Variants in GNL3L observed in about 807,000 individuals in gnomAD.
The protein encoded by GNL3L is G protein nucleolar 3 like, also known as guanine nucleotide-binding protein-like 3-like protein.
GNL3L carries 4 observed loss-of-function variants against 42.9 expected under a neutral mutation model. The observed-to-expected ratio is 0.09, with a 90% confidence interval of 0.05 to 0.21. GNL3L has a LOEUF of 0.21. Among genes scored for constraint, GNL3L ranks in the 10% least tolerant of loss-of-function variants. The pLI, the probability that GNL3L is intolerant of heterozygous loss-of-function variation, is 1.00. For missense variants in GNL3L, 412 were observed against 481.7 expected (o/e 0.86, Z 1.36); for synonymous variants, 159 against 176.3 (o/e 0.90, Z 0.78).
downstream of GNL3L, among the ~76,000 whole-genome samples, chrX:54,570,474 G>T (rs1218971062): frequency 1.8e-5 from 2 of 111,722 alleles, no homozygotes; most frequent in Admixed American, 1.9e-4. Flanking sequence ...CATATAGTTG[G>T]TTCTTGCTTT....
chrX:54,554,822 G>A lies in GNL3L; in HGVS notation c.1446+130G>A, dbSNP rs980488924. On this transcript the variant is annotated intron_variant, in intron 14 of 15. Coordinates refer to ENST00000360845, the MANE Select transcript of GNL3L (RefSeq NM_001184819.2). ...ACTCGCTCCCTATGGGCTTCTGGAT[G>A]CCTGGCCTAGTATATCCTTTACCAA... 1.3e-5 allele frequency: 7 copies of A among 539,651 alleles called. No individual in the cohort carries two copies. In the African/African-American group the frequency reaches 1.4e-4, roughly 11 times the overall value. The allele number at this position is 539,651 out of a possible 1,213,427, so 44.5% of individuals were successfully genotyped here.
At chrX:54,572,692 C>G (rs769727979) in intron 16 of GNL3L, among the ~76,000 whole-genome samples, 3 of 110,009 alleles carry the variant, frequency 2.7e-5, no homozygotes, top group Non-Finnish European at 3.8e-5. Flanking sequence ...GCTGACCCCC[C>G]CCACCTCCCT....
intron 16 of GNL3L, among the ~76,000 whole-genome samples, chrX:54,607,014 TTCTTTCTTTCTTTC>T (rs1926077468): frequency 2.3e-5 from 1 of 42,937 alleles, no homozygotes; most frequent in Non-Finnish European, 3.5e-5. Context: ...CTTTCTTTCT[TTCTTTCTTTCTTTC>T]TTTCTTTCTT....
Position 54,564,627 on chromosome X carries a change from C to T in GNL3L, c.*4025C>T, listed in dbSNP as rs1364211237. On this transcript the variant is annotated 3_prime_UTR_variant, in exon 16 of 16. Coordinates refer to ENST00000360845, the MANE Select transcript of GNL3L (RefSeq NM_001184819.2). ...TTCACTGTTTTGGCCAGGCTGGTCT[C>T]GAACTCCTGACCTCATGATCCTCCT... Among the ~76,000 whole-genome samples the T allele has an allele frequency of 8.5e-5, 9 of 105,400 alleles. No homozygotes were observed. Among genetic ancestry groups the T allele is most frequent in the Admixed American group, 6.2e-4 (6 of 9,646 alleles). The allele number at this position is 105,400 out of a possible 115,157, so 91.5% of individuals were successfully genotyped here.
At chrX:54,584,363 A>G (rs765777280) in intron 16 of GNL3L, among the ~76,000 whole-genome samples, 5 of 111,755 alleles carry the variant, frequency 4.5e-5, no homozygotes, top group African/African-American at 9.7e-5. Context: ...TTATGGATAC[A>G]TAATAGTTGC....
intron 16 of GNL3L, among the ~76,000 whole-genome samples, chrX:54,589,173 A>G (rs1260940713): frequency 1.8e-5 from 2 of 111,527 alleles, no homozygotes; most frequent in African/African-American, 6.5e-5. Flanking sequence ...AAACAATCCA[A>G]TTACACTCTT....
chrX:54,554,985 A>T (rs865965471), intron 14 of GNL3L, among the ~76,000 whole-genome samples: 24 of 110,665 alleles, frequency 2.2e-4, no homozygotes, highest in African/African-American at 7.6e-4. Flanking sequence ...CCTAACTAGT[A>T]CCAGGATTTT....
downstream of GNL3L, among the ~76,000 whole-genome samples, chrX:54,572,151 G>C (rs1314254233): frequency 9.2e-6 from 1 of 108,703 alleles, no homozygotes; most frequent in South Asian, 3.9e-4. Flanking sequence ...AGGACCCTGC[G>C]GCCTTCTGCA....
In GNL3L at chrX:54,566,473, C is replaced by T. The variant is rs150680560; in HGVS notation, c.*5871C>T. Among the ~76,000 whole-genome samples, 707 of 111,913 alleles carry T rather than the reference C, an allele frequency of 6.3e-3. 1 individual carries two copies. Among genetic ancestry groups the T allele is most frequent in the Middle Eastern group, 0.019 (4 of 215 alleles). On this transcript the variant is annotated 3_prime_UTR_variant, in exon 16 of 16. Coordinates refer to ENST00000360845, the MANE Select transcript of GNL3L (RefSeq NM_001184819.2). ...AACTGTACTTATTAAACAATAACCT[C>T]CCAACCCCTTCTGCCCACAACCTCT...
At chrX:54,599,420 T>TTATC (rs202201959) in intron 16 of GNL3L, among the ~76,000 whole-genome samples, 1 of 110,500 alleles carries the variant, frequency 9.0e-6, no homozygotes, top group East Asian at 2.8e-4. Flanking sequence ...ATACAGGAAA[T>TTATC]TATCTATCTA....
chrX:54,537,445 C>T (rs775269505), intron 2 of GNL3L, among the ~76,000 whole-genome samples: 1 of 111,740 alleles, frequency 8.9e-6, no homozygotes, highest in African/African-American at 3.2e-5. Flanking sequence ...ACCCTTTTCT[C>T]TTTCAGGAAC....
chrX:54,558,703 A>T (rs771527451), intron 15 of GNL3L, 48 bp downstream of exon 15: 8 of 952,201 alleles, frequency 8.4e-6, no homozygotes, highest in Middle Eastern at 2.8e-4. Context: ...CCCACATGGG[A>T]TCTTTTTTTG....
At position 54,548,643 on chromosome X, in the gene GNL3L, G is replaced by A. The variant is rs146417625; in HGVS notation, c.775+270G>A. Among the ~76,000 whole-genome samples, 521 of 111,013 alleles carry A rather than the reference G, an allele frequency of 4.7e-3. 4 individuals carry two copies. Among genetic ancestry groups the A allele is most frequent in the Non-Finnish European group, 7.4e-3 (392 of 52,934 alleles). ...GATGGGGTGACCGTCTACCTTTTAC[G>A]GATGAGAATTCTGAGTGAGGCTCAG... is the stretch of plus-strand genomic sequence containing the variant. On this transcript the variant is annotated intron_variant, in intron 9 of 15. Coordinates refer to ENST00000360845, the MANE Select transcript of GNL3L (RefSeq NM_001184819.2).
At chrX:54,642,227 T>G in the GNL3L span, among the ~76,000 whole-genome samples, 1 of 112,082 alleles carries the variant, frequency 8.9e-6, no homozygotes, top group South Asian at 3.7e-4. Flanking sequence ...CTTAGTGAGA[T>G]TAACTTGACT....
Position 54,561,336 on chromosome X carries a change from CA to C in GNL3L, c.*735del, listed in dbSNP as rs1375778826. Among the ~76,000 whole-genome samples, 1 of 112,071 alleles carries C rather than the reference CA, an allele frequency of 8.9e-6. No homozygotes were observed. The highest frequency in any genetic ancestry group is 1.9e-5 in the Non-Finnish European group (1 of 53,251). On this transcript the variant is annotated 3_prime_UTR_variant, in exon 16 of 16. Transcript: ENST00000360845. Reference sequence around the variant, plus strand: ...TTCTTTACCACCCCACAGGAGATTTCAGTGGCAAGGCATGCCTGCAGTGGGC... The same window carrying C: ...TTCTTTACCACCCCACAGGAGATTTCGTGGCAAGGCATGCCTGCAGTGGGC...
intron 16 of GNL3L, among the ~76,000 whole-genome samples, chrX:54,573,558 G>C (rs1244438469): frequency 9.0e-6 from 1 of 110,678 alleles, no homozygotes; most frequent in Non-Finnish European, 1.9e-5. Context: ...TCTTTTCTTT[G>C]AGACAGAGTC....
the GNL3L span, among the ~76,000 whole-genome samples, chrX:54,632,399 A>G: frequency 9.4e-6 from 1 of 106,670 alleles, no homozygotes; most frequent in African/African-American, 3.6e-5. Context: ...TTCCTCAGGA[A>G]CACCAATTAT....
chrX:54,574,543 T>C (rs188467240), intron 16 of GNL3L, among the ~76,000 whole-genome samples: 2 of 112,448 alleles, frequency 1.8e-5, no homozygotes, highest in African/African-American at 6.4e-5. Flanking sequence ...TGCTACTACT[T>C]TCTTGAGAAT....
chrX:54,580,805 G>A (rs1408503240), intron 16 of GNL3L, among the ~76,000 whole-genome samples: 2 of 112,024 alleles, frequency 1.8e-5, no homozygotes, highest in African/African-American at 3.2e-5. Context: ...TTTTGAAATA[G>A]AGTCTCACTC....
Sources: gnomAD v4.1 joint callset for allele counts (sites outside exome capture counted in the v4.1 genomes callset) on GRCh38, gnomAD v4.1.1 for gene constraint, MANE v1.5 for transcripts, NCBI Gene and HGNC (gene_info 2026-07-23, HGNC 2026-07-21) for gene names.